Variants in LAMA2 observed in about 807,000 individuals in gnomAD.
LAMA2 encodes the protein laminin subunit alpha 2, also known as laminin subunit alpha-2.
Under a neutral mutation model 364.8 loss-of-function variants are expected in LAMA2, and 269 were observed. The observed-to-expected ratio is 0.74, with a 90% CI of 0.67 to 0.82. The LOEUF (loss-of-function observed/expected upper bound fraction) is 0.82, where lower values mean the gene tolerates loss of function less well. Ranked by LOEUF, LAMA2 falls within the 40% of genes least tolerant of loss-of-function variation. The pLI is 0.00. For synonymous variants in LAMA2, 1,379 were observed against 1,370.6 expected (o/e 1.01, Z -0.14); for missense variants, 3,807 against 3,873.2 (o/e 0.98, Z 0.45).
intron 2 of LAMA2, among the ~76,000 whole-genome samples, chr6:129,054,093 T>A (rs952439503): frequency 7.2e-5 from 11 of 152,250 alleles, no homozygotes; most frequent in Admixed American, 3.3e-4. Context: ...GCAGAAAGTG[T>A]TGGGAGAAAT....
At chr6:129,221,296 C>CTT (rs58171173) in intron 12 of LAMA2, among the ~76,000 whole-genome samples, 3 of 125,872 alleles carry the variant, frequency 2.4e-5, no homozygotes, top group South Asian at 2.6e-4. Flanking sequence ...ATACTGGTTT[C>CTT]TTTTTTTTTT....
chr6:129,379,113 A>G (rs1322623778), intron 34 of LAMA2, among the ~76,000 whole-genome samples: 1 of 152,178 alleles, frequency 6.6e-6, no homozygotes, highest in Non-Finnish European at 1.5e-5. Flanking sequence ...GGAACAGAAA[A>G]TCAAATACTG....
intron 34 of LAMA2, among the ~76,000 whole-genome samples, chr6:129,380,077 T>C (rs1432509811): frequency 2.0e-5 from 3 of 152,144 alleles, no homozygotes; most frequent in Admixed American, 1.3e-4. Context: ...CCTAACAAAG[T>C]CACTACCCAT....
intron 12 of LAMA2, among the ~76,000 whole-genome samples, chr6:129,228,506 A>G (rs1006112929): frequency 3.9e-5 from 6 of 152,188 alleles, no homozygotes; most frequent in Non-Finnish European, 8.8e-5. Context: ...TTGAGAGTGA[A>G]GGGAGTTTTA....
chr6:129,238,278 G>A (rs993208201), intron 12 of LAMA2, among the ~76,000 whole-genome samples: 1 of 152,030 alleles, frequency 6.6e-6, no homozygotes, highest in Non-Finnish European at 1.5e-5. Flanking sequence ...GAATAATTAG[G>A]AGAGGAAAAG....
At position 129,438,637 on chromosome 6, in the gene LAMA2, TA is replaced by T; in HGVS notation, c.5969-8del. The T allele has an allele frequency of 6.9e-7, 1 of 1,442,602 alleles. No homozygotes were observed. Among genetic ancestry groups the T allele is most frequent in the Admixed American group, 1.7e-5 (1 of 59,652 alleles). The allele number at this position is 1,442,602 out of a possible 1,614,324, so 89.4% of individuals were successfully genotyped here. On this transcript the variant is annotated splice_region_variant and splice_polypyrimidine_tract_variant and intron_variant, in intron 41 of 64. Coordinates refer to ENST00000421865, the MANE Select transcript of LAMA2 (RefSeq NM_000426.4). ...TTATTTAATCCTTTTTTTTGTTTTTTATTCGCAGAAAATGAAGACCATCTAA... is the reference window on the plus strand; with the variant it reads ...TTATTTAATCCTTTTTTTTGTTTTTTTTCGCAGAAAATGAAGACCATCTAA...
chr6:129,160,646 G>C (rs1779393451), intron 8 of LAMA2, among the ~76,000 whole-genome samples: 1 of 151,290 alleles, frequency 6.6e-6, no homozygotes, highest in African/African-American at 2.4e-5. Context: ...CTATCAATTT[G>C]GAAAGTTAAA....
At chr6:129,465,943 T>G (rs1401525231) in intron 51 of LAMA2, among the ~76,000 whole-genome samples, 4 of 152,058 alleles carry the variant, frequency 2.6e-5, no homozygotes, top group East Asian at 1.9e-4. Flanking sequence ...GTGCTATTGC[T>G]TTTTAAGTAT....
intron 12 of LAMA2, among the ~76,000 whole-genome samples, chr6:129,226,819 C>T (rs559573682): frequency 4.6e-5 from 7 of 152,234 alleles, no homozygotes; most frequent in African/African-American, 1.4e-4. Flanking sequence ...CTTGAAGTTG[C>T]TCTTCTCGAG....
At chr6:129,232,871 A>C (rs1784756072) in intron 12 of LAMA2, among the ~76,000 whole-genome samples, 1 of 152,114 alleles carries the variant, frequency 6.6e-6, no homozygotes, top group African/African-American at 2.4e-5. Context: ...GAGGAAGGAG[A>C]AGTTTGAAGC....
chr6:129,149,224 G>A (rs368704086), intron 7 of LAMA2, 128 bp downstream of exon 7: 2 of 724,858 alleles, frequency 2.8e-6, no homozygotes, highest in South Asian at 1.4e-5. Context: ...TTATCACTTC[G>A]AAGACAACCC....
chr6:129,448,678 T>C (rs993979749), intron 45 of LAMA2, among the ~76,000 whole-genome samples: 1 of 152,190 alleles, frequency 6.6e-6, no homozygotes, highest in Admixed American at 6.5e-5. Context: ...ATAGATATAA[T>C]AATGGGATAC....
intron 3 of LAMA2, among the ~76,000 whole-genome samples, chr6:129,074,755 A>G (rs1485791868): frequency 6.6e-6 from 1 of 152,204 alleles, no homozygotes; most frequent in Non-Finnish European, 1.5e-5. Flanking sequence ...AATTATTGGA[A>G]CATTTTGATG....
chr6:129,330,097 C>G (rs996644272), intron 29 of LAMA2, among the ~76,000 whole-genome samples: 4 of 151,414 alleles, frequency 2.6e-5, no homozygotes, highest in African/African-American at 9.7e-5. Context: ...TATCTAGTTG[C>G]AGGAAAACAA....
At chr6:129,494,527 G>A (rs1785054532) in intron 58 of LAMA2, among the ~76,000 whole-genome samples, 1 of 152,204 alleles carries the variant, frequency 6.6e-6, no homozygotes, top group African/African-American at 2.4e-5. Context: ...TAACTACTAT[G>A]TGTCCAGTAC....
chr6:129,261,553 C>T (rs1379489802), intron 15 of LAMA2, among the ~76,000 whole-genome samples: 1 of 152,056 alleles, frequency 6.6e-6, no homozygotes, highest in African/African-American at 2.4e-5. Context: ...AACACTATTT[C>T]CTTGACAGAG....
At chr6:129,106,334 A>C (rs1220058722) in intron 4 of LAMA2, among the ~76,000 whole-genome samples, 2 of 152,176 alleles carry the variant, frequency 1.3e-5, no homozygotes, top group Non-Finnish European at 2.9e-5. Context: ...TGTATTAAAA[A>C]ATGTTTCAGA....
intron 15 of LAMA2, among the ~76,000 whole-genome samples, chr6:129,264,464 G>A (rs980168147): frequency 2.0e-5 from 3 of 152,040 alleles, no homozygotes; most frequent in African/African-American, 7.2e-5. Context: ...AAATGTCAAT[G>A]TGTATTTATA....
chr6:129,022,928 T>C (rs549280946), intron 1 of LAMA2, among the ~76,000 whole-genome samples: 3 of 152,296 alleles, frequency 2.0e-5, no homozygotes, highest in African/African-American at 7.2e-5. Context: ...GCCAAATAAA[T>C]TGACTCCACC....
Sources: allele counts gnomAD v4.1 joint callset (sites outside exome capture counted in the v4.1 genomes callset), GRCh38; gene constraint gnomAD v4.1.1; transcripts MANE v1.5; gene names NCBI Gene and HGNC (gene_info 2026-07-23, HGNC 2026-07-21).